Variants in PTGER3 observed in about 807,000 individuals in gnomAD.
PTGER3 encodes prostaglandin E2 receptor EP3 subtype.
Under a neutral mutation model 34.7 loss-of-function variants are expected in PTGER3, and 22 were observed. That is an observed-to-expected ratio of 0.63 (90% CI 0.45 to 0.91). The LOEUF is 0.91. Among genes scored for constraint, PTGER3 ranks in the 40% least tolerant of loss-of-function variants. The probability of loss-of-function intolerance (pLI) is 0.00; values close to 1 mark genes in which losing one functional copy is unlikely to be tolerated. For synonymous variants in PTGER3, 241 were observed against 230.1 expected, an observed-to-expected ratio of 1.05 and a Z score of -0.43; for missense variants, 468 against 519.4, an observed-to-expected ratio of 0.90 and a Z score of 0.96.
downstream of PTGER3, among the ~76,000 whole-genome samples, chr1:70,968,802 TCTCATTGTATGAG>T (rs1366106584): frequency 6.6e-6 from 1 of 151,904 alleles, no homozygotes; most frequent in African/African-American, 2.4e-5. Flanking sequence ...CAAAGATATT[TCTCATTGTATGAG>T]AAGTATCTTT....
rs767337565 is a variant in PTGER3, at chr1:71,012,097, T to C, written c.1077+208A>G. 2.4e-4 allele frequency: 361 copies of C among 1,500,312 alleles called. 1 individual carries two copies. Among genetic ancestry groups the C allele is most frequent in the Admixed American group, 1.1e-4 (5 of 44,176 alleles). 92.9% of individuals were successfully genotyped at this position (1,500,312 alleles called of 1,614,324 possible). The stretch of plus-strand genomic sequence containing the variant: ...ATGCTTCTAAGACCATTTAGCTTTA[T>C]ACCAAAAATTCCACTTCAATGCATA... On this transcript the variant is annotated intron_variant, in intron 2 of 3. Transcript: ENST00000306666.
At chr1:71,007,333 A>G (rs1657060665) in intron 2 of PTGER3, 2 of 985,692 alleles carry the variant, frequency 2.0e-6, no homozygotes, top group Non-Finnish European at 2.4e-6. Flanking sequence ...AAAACATTTG[A>G]TAAGGAGAGC....
intron 4 of PTGER3, among the ~76,000 whole-genome samples, chr1:70,945,179 A>T (rs1650113633): frequency 6.6e-6 from 1 of 152,154 alleles, no homozygotes; most frequent in East Asian, 1.9e-4. Context: ...TATAATTCTT[A>T]TATTTTCTGG....
chr1:71,010,230 G>C lies in PTGER3; in HGVS notation c.1077+2075C>G. The C allele has an allele frequency of 2.0e-6, 2 of 983,556 alleles. 1 individual carries two copies. The highest frequency in any genetic ancestry group is 1.0e-3 in the Middle Eastern group (2 of 1,914). The allele number at this position is 983,556 out of a possible 1,614,324, so 60.9% of individuals were successfully genotyped here. A position where few individuals can be genotyped will look rare whatever the true frequency, so the allele number is the denominator to read the frequency against. ...GAAGTATCAGTCTCCTAAATTATTA[G>C]TATAAATAAAGCACTGTGTTGTACA... is the stretch of plus-strand genomic sequence containing the variant. On this transcript the variant is annotated intron_variant, in intron 2 of 3. Coordinates refer to ENST00000306666, the MANE Select transcript of PTGER3 (RefSeq NM_198719.2).
intron 4 of PTGER3, among the ~76,000 whole-genome samples, chr1:70,862,671 G>A (rs1645952704): frequency 6.6e-6 from 1 of 152,138 alleles, no homozygotes; most frequent in East Asian, 1.9e-4. Flanking sequence ...AGTGTTTGAG[G>A]AACAAAGCTT....
intron 2 of PTGER3, chr1:71,011,860 T>G: frequency 9.7e-7 from 1 of 1,030,580 alleles, no homozygotes. Context: ...TCTTCAATGA[T>G]GTATGTGGTT....
chr1:70,928,564 T>C (rs979345870), intron 4 of PTGER3, among the ~76,000 whole-genome samples: 2 of 149,756 alleles, frequency 1.3e-5, no homozygotes, highest in African/African-American at 2.5e-5. Context: ...GCCTGAGAGA[T>C]TGAGGCTGCA....
intron 4 of PTGER3, among the ~76,000 whole-genome samples, chr1:70,946,454 C>T (rs1650235430): frequency 6.6e-6 from 1 of 152,132 alleles, no homozygotes; most frequent in Non-Finnish European, 1.5e-5. Context: ...TGCTCTTTAC[C>T]ACTACTTAAC....
exon 4 of PTGER3, chr1:70,952,710 G>A (rs995423635): frequency 1.6e-6 from 2 of 1,237,316 alleles, no homozygotes; most frequent in African/African-American, 1.5e-5. Flanking sequence ...TAGTTCGAGT[G>A]ACCAACCAGT....
chr1:70,942,024 A>G (rs1047624648), intron 4 of PTGER3, among the ~76,000 whole-genome samples: 1 of 152,142 alleles, frequency 6.6e-6, no homozygotes, highest in Admixed American at 6.6e-5. Flanking sequence ...TTTTCATAAT[A>G]ATAGAATTAC....
intron 2 of PTGER3, chr1:71,011,987 G>T: frequency 7.4e-7 from 1 of 1,355,342 alleles, no homozygotes; most frequent in East Asian, 2.8e-5. Context: ...AGCTACGAAT[G>T]GCAGACTCAA....
At chr1:70,871,723 T>G (rs375531096) in intron 4 of PTGER3, among the ~76,000 whole-genome samples, 87 of 152,268 alleles carry the variant, frequency 5.7e-4, no homozygotes, top group African/African-American at 2.0e-3. Context: ...TATTACCTAA[T>G]GAGCTAGAGG....
At chr1:70,930,261 C>T (rs1000116575) in intron 4 of PTGER3, among the ~76,000 whole-genome samples, 1 of 152,178 alleles carries the variant, frequency 6.6e-6, no homozygotes, top group African/African-American at 2.4e-5. Context: ...GACCCAGACT[C>T]CCCAGTGGCA....
chr1:71,042,174 TC>T (rs1350656485), intron 1 of PTGER3, among the ~76,000 whole-genome samples: 3 of 151,570 alleles, frequency 2.0e-5, no homozygotes, highest in Non-Finnish European at 4.4e-5. Context: ...AAGAGTGAAG[TC>T]CTCATCTTGT....
At chr1:70,902,513 G>C (rs1412344161) in intron 4 of PTGER3, among the ~76,000 whole-genome samples, 1 of 152,194 alleles carries the variant, frequency 6.6e-6, no homozygotes, top group African/African-American at 2.4e-5. Context: ...AACAGTAAAG[G>C]TCACACTGTG....
chr1:71,006,109 C>G, intron 2 of PTGER3: 2 of 930,022 alleles, frequency 2.2e-6, no homozygotes, highest in Non-Finnish European at 2.6e-6. Context: ...GAACTTATTT[C>G]TGTTATCTCT....
chr1:70,985,696 C>T (rs1017828587), intron 2 of PTGER3, among the ~76,000 whole-genome samples: 2 of 152,152 alleles, frequency 1.3e-5, no homozygotes, highest in African/African-American at 2.4e-5. Context: ...TGCCTTTGCT[C>T]GCTAGAAGCA....
chr1:70,862,568 A>G (rs991183458), intron 4 of PTGER3, among the ~76,000 whole-genome samples: 6 of 152,220 alleles, frequency 3.9e-5, no homozygotes, highest in African/African-American at 9.6e-5. Context: ...GGAATGAAAT[A>G]TCCAAGATGT....
chr1:70,916,561 C>T lies in PTGER3; in HGVS notation c.*23+37202G>A, dbSNP rs533877173. Among the ~76,000 whole-genome samples, 4 of 152,006 alleles carry T rather than the reference C, an allele frequency of 2.6e-5. No homozygotes were observed. In the South Asian group the frequency reaches 8.3e-4, roughly 32 times the overall value. On this transcript the variant is annotated intron_variant, in intron 4 of 4. Coordinates refer to the PTGER3 transcript ENST00000370931. ...GATACGACACAGCCATAAAAAAGAA[C>T]AAAAATCATTTCCTTTGCAGCAACT...
Sources: gnomAD v4.1 joint callset for allele counts (sites outside exome capture counted in the v4.1 genomes callset) on GRCh38, gnomAD v4.1.1 for gene constraint, MANE v1.5 for transcripts, NCBI Gene and HGNC (gene_info 2026-07-23, HGNC 2026-07-21) for gene names.